The following NKAIN2 variants were observed in gnomAD, a reference collection of about 807,000 sequenced individuals.
The protein encoded by NKAIN2 is sodium/potassium-transporting ATPase subunit beta-1-interacting protein 2.
A neutral mutation model predicts 32.6 loss-of-function variants in NKAIN2; 14 were observed. That is an observed-to-expected ratio of 0.43 (90% CI 0.28 to 0.67). The LOEUF is 0.67. NKAIN2 is among the 30% of genes least tolerant of loss of function. The probability of loss-of-function intolerance (pLI) is 0.17; values close to 1 mark genes in which losing one functional copy is unlikely to be tolerated. For missense variants in NKAIN2, 198 were observed against 258.3 expected, an observed-to-expected ratio of 0.77 and a Z score of 1.60; for synonymous variants, 80 against 87.2, an observed-to-expected ratio of 0.92 and a Z score of 0.46.
intron 2 of NKAIN2, among the ~76,000 whole-genome samples, chr6:124,340,232 T>A (rs942254093): frequency 6.6e-6 from 1 of 152,238 alleles, no homozygotes. Context: ...AACAGTTTGC[T>A]GGAGATTATT....
intron 2 of NKAIN2, among the ~76,000 whole-genome samples, chr6:124,354,352 G>A (rs78880134): frequency 2.6e-4 from 40 of 152,112 alleles, no homozygotes; most frequent in African/African-American, 8.2e-4. Flanking sequence ...TTGCCTTCTG[G>A]ATGCTTCATA....
rs115514681 is a variant in NKAIN2, at chr6:123,945,555, A to C, written c.54+141301A>C. ...CTATGAACATGTACTCTGTGGTCCC[A>C]GCAGGTGTTTCTTAAATCTGGCAGT... On this transcript the variant is annotated intron_variant, in intron 1 of 6. Transcript: ENST00000368417. 4.2e-3 allele frequency among the ~76,000 whole-genome samples: 633 copies of C among 152,210 alleles called. 5 individuals carry two copies. The highest frequency in any genetic ancestry group is 0.015 in the African/African-American group (606 of 41,532).
intron 3 of NKAIN2, among the ~76,000 whole-genome samples, chr6:124,526,505 C>G (rs1779319380): frequency 6.6e-6 from 1 of 152,000 alleles, no homozygotes; most frequent in Non-Finnish European, 1.5e-5. Flanking sequence ...AGGGCCAACC[C>G]CCACCCTCAG....
chr6:124,808,163 C>T (rs1342862300), intron 5 of NKAIN2, among the ~76,000 whole-genome samples: 15 of 151,932 alleles, frequency 9.9e-5, no homozygotes. Flanking sequence ...ATACCAAAGC[C>T]AGGCAGAGAC....
At chr6:124,560,516 G>A (rs1443886050) in intron 3 of NKAIN2, among the ~76,000 whole-genome samples, 1 of 152,196 alleles carries the variant, frequency 6.6e-6, no homozygotes, top group African/African-American at 2.4e-5. Flanking sequence ...TTCTGGGTTT[G>A]AATCTTGGAT....
At chr6:124,781,695 A>G (rs930105686) in intron 4 of NKAIN2, among the ~76,000 whole-genome samples, 1 of 152,112 alleles carries the variant, frequency 6.6e-6, no homozygotes, top group African/African-American at 2.4e-5. Flanking sequence ...AAAGAAGACA[A>G]TCTAAGATTT....
intron 1 of NKAIN2, among the ~76,000 whole-genome samples, chr6:123,822,559 T>G (rs1773970778): frequency 6.6e-6 from 1 of 151,904 alleles, no homozygotes; most frequent in South Asian, 2.1e-4. Context: ...ATGGGTAACA[T>G]TTACATGGTT....
At chr6:123,842,892 A>G (rs1303479577) in intron 1 of NKAIN2, among the ~76,000 whole-genome samples, 1 of 152,140 alleles carries the variant, frequency 6.6e-6, no homozygotes, top group Non-Finnish European at 1.5e-5. Flanking sequence ...TCAAGTAACT[A>G]GATCCTGGTC....
At chr6:124,788,047 G>A (rs1779581306) in intron 4 of NKAIN2, among the ~76,000 whole-genome samples, 1 of 152,034 alleles carries the variant, frequency 6.6e-6, no homozygotes, top group South Asian at 2.1e-4. Flanking sequence ...CACTTATTAG[G>A]AGTACAGTTT....
At chr6:124,634,692 T>G (rs1200341777) in intron 3 of NKAIN2, among the ~76,000 whole-genome samples, 1 of 152,026 alleles carries the variant, frequency 6.6e-6, no homozygotes, top group Admixed American at 6.5e-5. Flanking sequence ...AACTAAAAAT[T>G]TTCCAAGTTT....
chr6:124,017,400 G>C (rs1211295648), intron 1 of NKAIN2, among the ~76,000 whole-genome samples: 3 of 152,064 alleles, frequency 2.0e-5, no homozygotes, highest in Non-Finnish European at 4.4e-5. Context: ...TTCAAAACCA[G>C]TCATGCCTTC....
chr6:124,263,495 A>C (rs747773903), intron 1 of NKAIN2, among the ~76,000 whole-genome samples: 8 of 152,150 alleles, frequency 5.3e-5, no homozygotes, highest in Non-Finnish European at 1.0e-4. Context: ...CTCTGTACCT[A>C]TATTTCTCCT....
chr6:124,443,600 A>G (rs1300261054), intron 3 of NKAIN2, among the ~76,000 whole-genome samples: 2 of 152,092 alleles, frequency 1.3e-5, no homozygotes, highest in Admixed American at 6.6e-5. Flanking sequence ...AGGGGGTAGC[A>G]TAGGACCATT....
At chr6:124,311,849 T>C (rs1011826753) in intron 2 of NKAIN2, among the ~76,000 whole-genome samples, 5 of 152,134 alleles carry the variant, frequency 3.3e-5, no homozygotes, top group Non-Finnish European at 7.4e-5. Flanking sequence ...AAAATATGTA[T>C]TTTTTAGCTT....
At chr6:124,313,253 A>G (rs928560000) in intron 2 of NKAIN2, among the ~76,000 whole-genome samples, 2 of 152,130 alleles carry the variant, frequency 1.3e-5, no homozygotes, top group African/African-American at 4.8e-5. Context: ...TTTCTCATAT[A>G]TTTACAAAAA....
intron 1 of NKAIN2, among the ~76,000 whole-genome samples, chr6:123,893,927 A>G (rs890461954): frequency 1.3e-5 from 2 of 152,194 alleles, no homozygotes; most frequent in Admixed American, 1.3e-4. Flanking sequence ...CCTTAGTCCC[A>G]GGGATTAACT....
chr6:124,799,575 A>G (rs1780163354), intron 5 of NKAIN2, among the ~76,000 whole-genome samples: 1 of 152,196 alleles, frequency 6.6e-6, no homozygotes, highest in African/African-American at 2.4e-5. Context: ...TTAATTAAGA[A>G]CAATCAGAGC....
intron 1 of NKAIN2, among the ~76,000 whole-genome samples, chr6:124,177,233 A>T (rs1789201728): frequency 6.6e-6 from 1 of 152,224 alleles, no homozygotes; most frequent in Admixed American, 6.5e-5. Context: ...AAAACAAAAA[A>T]GCATTCGATA....
chr6:123,851,425 T>C (rs1001368895), intron 1 of NKAIN2, among the ~76,000 whole-genome samples: 22 of 151,872 alleles, frequency 1.4e-4, no homozygotes, highest in African/African-American at 5.1e-4. Flanking sequence ...AAGTTTTGTA[T>C]TTTTTAGTCA....
Sources: gnomAD v4.1 joint callset for allele counts (sites outside exome capture counted in the v4.1 genomes callset) on GRCh38, gnomAD v4.1.1 for gene constraint, MANE v1.5 for transcripts, NCBI Gene and HGNC (gene_info 2026-07-23, HGNC 2026-07-21) for gene names.